Variants in CADM2 observed in about 807,000 individuals in gnomAD.
CADM2 encodes immunoglobulin superfamily member 4D.
Under a neutral mutation model 49.8 loss-of-function variants are expected in CADM2, and 12 were observed. That is an observed-to-expected ratio of 0.24 (90% confidence interval 0.15 to 0.39). The LOEUF (loss-of-function observed/expected upper bound fraction) is 0.39, where lower values mean the gene tolerates loss of function less well. CADM2 is among the 10% of genes least tolerant of loss of function. The pLI, the probability that CADM2 is intolerant of heterozygous loss-of-function variation, is 1.00. For missense variants in CADM2, 378 were observed against 492.3 expected, an observed-to-expected ratio of 0.77 and a Z score of 2.20; for synonymous variants, 214 against 175.4, an observed-to-expected ratio of 1.22 and a Z score of -1.74.
At chr3:86,038,185 C>A (rs898393237) in intron 8 of CADM2, among the ~76,000 whole-genome samples, 2 of 152,050 alleles carry the variant, frequency 1.3e-5, no homozygotes, top group Non-Finnish European at 2.9e-5. Flanking sequence ...GAAAAAACAA[C>A]AACAAAAAAC....
At chr3:84,996,551 TACTC>T (rs1393642424) in intron 1 of CADM2, among the ~76,000 whole-genome samples, 1 of 152,134 alleles carries the variant, frequency 6.6e-6, no homozygotes, top group Non-Finnish European at 1.5e-5. Flanking sequence ...AAAATTAGGT[TACTC>T]ATTCAATGGA....
At chr3:85,015,434 C>T (rs2034210650) in intron 1 of CADM2, among the ~76,000 whole-genome samples, 1 of 152,132 alleles carries the variant, frequency 6.6e-6, no homozygotes, top group South Asian at 2.1e-4. Flanking sequence ...TTCAATGCAT[C>T]TCAATTAGTC....
intron 1 of CADM2, among the ~76,000 whole-genome samples, chr3:85,291,503 G>A (rs1270292749): frequency 6.8e-6 from 1 of 147,588 alleles, no homozygotes; most frequent in Non-Finnish European, 1.5e-5. Flanking sequence ...CACCGAAGTT[G>A]AAATGAAGGA....
At chr3:85,900,574 T>C (rs534344880) in intron 5 of CADM2, among the ~76,000 whole-genome samples, 10 of 152,294 alleles carry the variant, frequency 6.6e-5, no homozygotes, top group African/African-American at 2.4e-4. Flanking sequence ...TGTCAAGGAA[T>C]TGACCAAAGA....
chr3:85,070,863 C>G (rs1301684083), intron 1 of CADM2, among the ~76,000 whole-genome samples: 1 of 151,940 alleles, frequency 6.6e-6, no homozygotes, highest in African/African-American at 2.4e-5. Flanking sequence ...GTGGTGCACA[C>G]TTGTAGTCTC....
At chr3:85,846,191 G>C (rs1301435632) in intron 3 of CADM2, among the ~76,000 whole-genome samples, 3 of 152,122 alleles carry the variant, frequency 2.0e-5, no homozygotes, top group Non-Finnish European at 4.4e-5. Flanking sequence ...TTTACTAATA[G>C]AGAGATTATT....
chr3:85,541,745 TTTATATA>T (rs1225356204), intron 1 of CADM2, among the ~76,000 whole-genome samples: 8 of 28,508 alleles, frequency 2.8e-4, no homozygotes, highest in Admixed American at 1.6e-3. Context: ...ATATATATAT[TTTATATA>T]TTTTATATAT....
intron 3 of CADM2, among the ~76,000 whole-genome samples, chr3:85,831,948 A>G (rs1328994258): frequency 6.6e-6 from 1 of 151,890 alleles, no homozygotes; most frequent in African/African-American, 2.4e-5. Context: ...GAATTTTTAT[A>G]GTTTTAGGCT....
intron 1 of CADM2, among the ~76,000 whole-genome samples, chr3:85,129,409 A>G (rs1173685558): frequency 6.6e-6 from 1 of 152,040 alleles, no homozygotes; most frequent in Non-Finnish European, 1.5e-5. Context: ...GCAATTGTGT[A>G]TTTAAGAAAT....
At chr3:85,849,619 A>C (rs780376132) in intron 3 of CADM2, among the ~76,000 whole-genome samples, 79 of 152,200 alleles carry the variant, frequency 5.2e-4, no homozygotes, top group Non-Finnish European at 9.7e-4. Flanking sequence ...TTATCTGCCT[A>C]GCTTATCATG....
chr3:85,007,728 A>T (rs1442699101), intron 1 of CADM2, among the ~76,000 whole-genome samples: 1 of 152,186 alleles, frequency 6.6e-6, no homozygotes, highest in Non-Finnish European at 1.5e-5. Context: ...TCTGAGATTG[A>T]ATCATAGTTT....
intron 1 of CADM2, among the ~76,000 whole-genome samples, chr3:85,306,086 T>A (rs2044205960): frequency 6.6e-6 from 1 of 151,724 alleles, no homozygotes; most frequent in South Asian, 2.1e-4. Context: ...GAGATAAATA[T>A]ATTATTTGAT....
At chr3:85,543,420 ATG>A (rs34654299) in intron 1 of CADM2, among the ~76,000 whole-genome samples, 13,082 of 129,172 alleles carry the variant, frequency 0.1, 684 homozygotes, top group Middle Eastern at 0.18. Flanking sequence ...TGCCAAGCTA[ATG>A]TGTGTGTGTG....
At chr3:85,135,570 A>G (rs980127267) in intron 1 of CADM2, among the ~76,000 whole-genome samples, 7 of 152,122 alleles carry the variant, frequency 4.6e-5, no homozygotes, top group African/African-American at 1.7e-4. Context: ...TCAGAATACC[A>G]TCACTGCTTT....
chr3:85,819,168 A>T (rs2073399480), intron 3 of CADM2, among the ~76,000 whole-genome samples: 1 of 152,210 alleles, frequency 6.6e-6, no homozygotes, highest in Admixed American at 6.5e-5. Context: ...AGCATTCCGC[A>T]TGGGAAGAAG....
At chr3:85,880,025 T>C (rs1001997030) in intron 3 of CADM2, among the ~76,000 whole-genome samples, 2 of 152,190 alleles carry the variant, frequency 1.3e-5, no homozygotes, top group African/African-American at 4.8e-5. Context: ...CTGCCATCCC[T>C]AGTCCTTGGC....
chr3:85,398,904 C>T (rs1301547910), intron 1 of CADM2, among the ~76,000 whole-genome samples: 1 of 151,916 alleles, frequency 6.6e-6, no homozygotes, highest in Non-Finnish European at 1.5e-5. Context: ...GGATAGTAGC[C>T]CTTTGTCAGA....
At chr3:85,199,435 C>G (rs1046494389) in intron 1 of CADM2, among the ~76,000 whole-genome samples, 1 of 147,656 alleles carries the variant, frequency 6.8e-6, no homozygotes, top group African/African-American at 2.5e-5. Flanking sequence ...AGCTGACAAA[C>G]AAAAACAGAG....
rs1383987744 is a variant in CADM2, at chr3:85,438,618, T to A, written c.62-287904T>A. On this transcript the variant is annotated intron_variant, in intron 1 of 9. Coordinates refer to ENST00000383699, the MANE Select transcript of CADM2 (RefSeq NM_001167675.2). ...GTTTTATTTTTATATGGGCAGTATC[T>A]GCAAAAATAGACATAAAGGACACAT... is the stretch of plus-strand genomic sequence containing the variant. Among the ~76,000 whole-genome samples the A allele has an allele frequency of 2.6e-5, 4 of 152,116 alleles. No individual in the cohort carries two copies. In the East Asian group the frequency reaches 7.7e-4, roughly 29 times the overall value.
Sources: allele counts gnomAD v4.1 joint callset (sites outside exome capture counted in the v4.1 genomes callset), GRCh38; gene constraint gnomAD v4.1.1; transcripts MANE v1.5; gene names NCBI Gene and HGNC (gene_info 2026-07-23, HGNC 2026-07-21).